The following LCLAT1 variants were observed in gnomAD, a reference collection of about 807,000 sequenced individuals.
The protein encoded by LCLAT1 is lysocardiolipin acyltransferase 1, also known as 1-AGP acyltransferase 8.
A neutral mutation model predicts 30.7 loss-of-function variants in LCLAT1; 11 were observed. The ratio of observed to expected loss-of-function variants is 0.36; its 90% CI spans 0.23 to 0.59. The LOEUF is 0.59. LCLAT1 is among the 20% of genes least tolerant of loss of function. The pLI, the probability that LCLAT1 is intolerant of heterozygous loss-of-function variation, is 0.77. For missense variants in LCLAT1, 402 were observed against 458.6 expected (o/e 0.88, Z 1.13); for synonymous variants, 155 against 151.3 (o/e 1.02, Z -0.18).
intron 5 of LCLAT1, among the ~76,000 whole-genome samples, chr2:30,603,403 C>A (rs1273014742): frequency 6.6e-6 from 1 of 151,530 alleles, no homozygotes; most frequent in Non-Finnish European, 1.5e-5. Context: ...GAGATCAAAA[C>A]TTAGAATGCT....
At chr2:30,623,755 C>G (rs1276187688) in intron 5 of LCLAT1, among the ~76,000 whole-genome samples, 1 of 152,104 alleles carries the variant, frequency 6.6e-6, no homozygotes, top group Non-Finnish European at 1.5e-5. Context: ...ACAAAAAGCT[C>G]AAAGAACACT....
chr2:30,642,794 C>T lies in LCLAT1; in HGVS notation c.*2175C>T, dbSNP rs2148544664. The T allele has an allele frequency of 7.6e-6, 1 of 131,724 alleles. No homozygotes were observed. Among genetic ancestry groups the T allele is most frequent in the South Asian group, 2.6e-4 (1 of 3,870 alleles). 8.2% of individuals were successfully genotyped at this position (131,724 alleles called of 1,614,324 possible). On this transcript the variant is annotated 3_prime_UTR_variant, in exon 6 of 6. Transcript: ENST00000379509. Reference sequence around the variant, plus strand: ...CCAAATTCATAAAGTACATTTAGTGCTGTATAGCACTAAAACTTAGAGATA... The same window carrying T: ...CCAAATTCATAAAGTACATTTAGTGTTGTATAGCACTAAAACTTAGAGATA...
chr2:30,518,507 G>A (rs1685304695), intron 1 of LCLAT1, among the ~76,000 whole-genome samples: 1 of 152,166 alleles, frequency 6.6e-6, no homozygotes, highest in South Asian at 2.1e-4. Context: ...AGTTAATTTA[G>A]ACTAAACAAA....
chr2:30,580,181 G>A (rs10197915), intron 5 of LCLAT1, among the ~76,000 whole-genome samples: 19,241 of 151,962 alleles, frequency 0.13, 1,346 homozygotes, highest in South Asian at 0.23. Flanking sequence ...AATGGTTTTG[G>A]GACTTAAACA....
At chr2:30,629,516 C>T (rs781746666) in intron 5 of LCLAT1, among the ~76,000 whole-genome samples, 3 of 152,080 alleles carry the variant, frequency 2.0e-5, no homozygotes, top group Non-Finnish European at 4.4e-5. Context: ...GCTGAGATCG[C>T]GCCATTGCAC....
intron 1 of LCLAT1, among the ~76,000 whole-genome samples, chr2:30,496,179 A>T (rs576928542): frequency 6.6e-6 from 1 of 152,338 alleles, no homozygotes; most frequent in East Asian, 1.9e-4. Context: ...TTATGAGAAC[A>T]GCAAGGGGGA....
At chr2:30,480,268 G>C (rs1012733831) in intron 1 of LCLAT1, among the ~76,000 whole-genome samples, 2 of 152,116 alleles carry the variant, frequency 1.3e-5, no homozygotes, top group African/African-American at 2.4e-5. Flanking sequence ...GTGGAGTGCA[G>C]TGGCTCGATC....
chr2:30,626,676 T>C (rs1668526162), intron 5 of LCLAT1, among the ~76,000 whole-genome samples: 1 of 152,034 alleles, frequency 6.6e-6, no homozygotes, highest in Non-Finnish European at 1.5e-5. Context: ...CTCTTTCTCT[T>C]TCCATTTGTA....
chr2:30,487,498 G>A (rs1035752815), intron 1 of LCLAT1, among the ~76,000 whole-genome samples: 12 of 151,994 alleles, frequency 7.9e-5, no homozygotes, highest in African/African-American at 2.7e-4. Context: ...TCATGTTCTG[G>A]GCCCTGGGGG....
intron 5 of LCLAT1, among the ~76,000 whole-genome samples, chr2:30,570,441 G>T (rs972368649): frequency 6.6e-6 from 1 of 152,118 alleles, no homozygotes; most frequent in Non-Finnish European, 1.5e-5. Flanking sequence ...TATGTACCTG[G>T]CATTATGCTG....
chr2:30,607,883 G>A (rs1667531732), intron 5 of LCLAT1: 1 of 106,632 alleles, frequency 9.4e-6, no homozygotes, highest in Middle Eastern at 4.3e-3. Flanking sequence ...GTGTGTGTGT[G>A]TGTGTGTGTG....
intron 1 of LCLAT1, among the ~76,000 whole-genome samples, chr2:30,516,468 C>CGTG: frequency 2.0e-5 from 3 of 152,168 alleles, no homozygotes; most frequent in Non-Finnish European, 2.9e-5. Flanking sequence ...ATTGTTTCTG[C>CGTG]GCGGCTAAGT....
chr2:30,610,593 A>C (rs1249935448), intron 5 of LCLAT1, among the ~76,000 whole-genome samples: 2 of 152,168 alleles, frequency 1.3e-5, no homozygotes, highest in African/African-American at 2.4e-5. Context: ...ATATAAGCCT[A>C]GGTCTGATGT....
intron 5 of LCLAT1, among the ~76,000 whole-genome samples, chr2:30,603,989 A>G (rs954980398): frequency 2.6e-5 from 4 of 152,198 alleles, no homozygotes; most frequent in Non-Finnish European, 5.9e-5. Context: ...CTACTACATA[A>G]TTATACTGTG....
At chr2:30,593,332 C>T (rs936111642) in intron 5 of LCLAT1, among the ~76,000 whole-genome samples, 3 of 151,972 alleles carry the variant, frequency 2.0e-5, no homozygotes, top group Admixed American at 1.3e-4. Flanking sequence ...GTTCTAAGTC[C>T]GTATCTTGGC....
chr2:30,620,083 G>A (rs1182881218), intron 5 of LCLAT1, among the ~76,000 whole-genome samples: 2 of 152,150 alleles, frequency 1.3e-5, no homozygotes, highest in Non-Finnish European at 2.9e-5. Flanking sequence ...CCAAGGTTAT[G>A]TATGTTTCTC....
chr2:30,498,282 G>A (rs892679424), intron 1 of LCLAT1, among the ~76,000 whole-genome samples: 15 of 152,210 alleles, frequency 9.9e-5, no homozygotes, highest in Admixed American at 2.0e-4. Context: ...AAGTATGTTA[G>A]TGTAAAGAAT....
chr2:30,559,226 AT>A (rs1312831188), intron 3 of LCLAT1, among the ~76,000 whole-genome samples: 1 of 152,224 alleles, frequency 6.6e-6, no homozygotes, highest in African/African-American at 2.4e-5. Flanking sequence ...GCATTTGAGT[AT>A]TTTAGAAATG....
Position 30,600,491 on chromosome 2 carries a change from CAGA to C in LCLAT1, c.628+32319_628+32321del, listed in dbSNP as rs1667132162. Among the ~76,000 whole-genome samples the C allele has an allele frequency of 2.6e-5, 4 of 152,214 alleles. No homozygotes were observed. The South Asian group carries it at 8.3e-4, about 32-fold the overall frequency. ...AAGAGCAAACAAACTCCAAAGCTAGCAGAAGACAAGAAATAGCCAAGATCAGAG... is the reference window on the plus strand; with the variant it reads ...AAGAGCAAACAAACTCCAAAGCTAGCAGACAAGAAATAGCCAAGATCAGAG... On this transcript the variant is annotated intron_variant, in intron 5 of 5. Coordinates refer to ENST00000379509, the MANE Select transcript of LCLAT1 (RefSeq NM_001002257.3).
Sources: gnomAD v4.1 joint callset for allele counts (sites outside exome capture counted in the v4.1 genomes callset) on GRCh38, gnomAD v4.1.1 for gene constraint, MANE v1.5 for transcripts, NCBI Gene and HGNC (gene_info 2026-07-23, HGNC 2026-07-21) for gene names.